Variants in TUSC3 observed in about 807,000 individuals in gnomAD.
TUSC3 encodes dolichyl-diphosphooligosaccharide--protein glycosyltransferase subunit TUSC3.
TUSC3 carries 45 observed loss-of-function variants against 44.8 expected under a neutral mutation model. The ratio of observed to expected loss-of-function variants is 1.00; its 90% confidence interval spans 0.79 to 1.29. The LOEUF (loss-of-function observed/expected upper bound fraction) is 1.29. TUSC3 is among the 50% of genes most tolerant of loss of function. TUSC3 has a pLI of 0.00. For synonymous variants in TUSC3, 212 were observed against 152.9 expected (o/e 1.39, Z -2.85); for missense variants, 519 against 437.9 (o/e 1.19, Z -1.65).
intron 1 of TUSC3, among the ~76,000 whole-genome samples, chr8:15,452,097 C>G (rs981023526): frequency 6.6e-6 from 1 of 152,138 alleles, no homozygotes; most frequent in African/African-American, 2.4e-5. Context: ...ACTCTAGCAA[C>G]TGAATTTAAT....
chr8:15,739,439 G>T (rs1811092853), intron 7 of TUSC3, among the ~76,000 whole-genome samples: 2 of 151,814 alleles, frequency 1.3e-5, no homozygotes, highest in South Asian at 2.1e-4. Flanking sequence ...GTTGACTTGG[G>T]GTTTCTGTTC....
At chr8:15,560,502 A>T (rs1438992478) in intron 1 of TUSC3, among the ~76,000 whole-genome samples, 1 of 150,248 alleles carries the variant, frequency 6.7e-6, no homozygotes, top group African/African-American at 2.4e-5. Flanking sequence ...TCTTCTCGAG[A>T]AGTATCTTTG....
At position 15,658,639 on chromosome 8, in the gene TUSC3, T is replaced by TATAC. The variant is rs140837147; in HGVS notation, c.427-867_427-866insTACA. ...ATTCGTGTATATATACACATATATATACACACACACACACACACACAAATA... is the reference window on the plus strand; with the variant it reads ...ATTCGTGTATATATACACATATATATATACACACACACACACACACACACAAATA... On this transcript the variant is annotated intron_variant, in intron 3 of 10. Coordinates refer to ENST00000503731, the MANE Select transcript of TUSC3 (RefSeq NM_006765.4). Among the ~76,000 whole-genome samples, 1,117 of 148,672 alleles carry TATAC rather than the reference T, an allele frequency of 7.5e-3. 15 individuals are homozygous for TATAC. The highest frequency in any genetic ancestry group is 0.026 in the African/African-American group (1,061 of 40,484).
At chr8:15,759,175 G>A (rs946336510) in intron 10 of TUSC3, among the ~76,000 whole-genome samples, 9 of 152,126 alleles carry the variant, frequency 5.9e-5, no homozygotes, top group African/African-American at 2.2e-4. Flanking sequence ...GCCTATCTGT[G>A]CTTAGTGAAC....
At chr8:15,695,933 G>T (rs183983534) in intron 6 of TUSC3, among the ~76,000 whole-genome samples, 1 of 152,110 alleles carries the variant, frequency 6.6e-6, no homozygotes, top group Non-Finnish European at 1.5e-5. Flanking sequence ...GCTGTTAAAC[G>T]CATTCAGTTT....
chr8:15,562,046 A>C (rs73538440), intron 1 of TUSC3, among the ~76,000 whole-genome samples: 3,808 of 152,228 alleles, frequency 0.025, 165 homozygotes, highest in African/African-American at 0.085. Context: ...ATCAATTTTT[A>C]AGTAGGCCTT....
Position 15,540,293 on chromosome 8 carries a change from C to T in TUSC3, c.-138C>T, listed in dbSNP as rs1295285724. The T allele has an allele frequency of 8.0e-6, 10 of 1,244,540 alleles. No homozygotes were observed. The South Asian group carries it at 1.5e-4, about 19-fold the overall frequency. The allele number at this position is 1,244,540 out of a possible 1,614,324, so 77.1% of individuals were successfully genotyped here. ...CCTCCTCTGCGTCCTCGGCCGCGGC[C>T]CGGGTCCCTCGCAAAGCCGCTGCCA... On this transcript the variant is annotated 5_prime_UTR_variant, in exon 1 of 11. Coordinates refer to ENST00000503731, the MANE Select transcript of TUSC3 (RefSeq NM_006765.4).
intron 7 of TUSC3, among the ~76,000 whole-genome samples, chr8:15,733,180 C>T (rs1405275618): frequency 6.6e-6 from 1 of 152,130 alleles, no homozygotes; most frequent in African/African-American, 2.4e-5. Flanking sequence ...ATAGACATAT[C>T]TACTCCTCTC....
At chr8:15,523,688 G>C (rs551517923) in intron 2 of TUSC3, among the ~76,000 whole-genome samples, 1 of 50,056 alleles carries the variant, frequency 2.0e-5, no homozygotes. Flanking sequence ...GTGTGTGTGT[G>C]TGTGTGTGTG....
At chr8:15,662,410 A>G (rs973651096) in intron 5 of TUSC3, 114 bp downstream of exon 5, 3 of 1,436,014 alleles carry the variant, frequency 2.1e-6, no homozygotes, top group African/African-American at 1.4e-5. Context: ...AGTCTGAATG[A>G]GAAGTAACTT....
chr8:15,595,506 G>A (rs570203381), intron 1 of TUSC3, among the ~76,000 whole-genome samples: 49 of 152,220 alleles, frequency 3.2e-4, no homozygotes, highest in African/African-American at 1.1e-3. Context: ...TGTCTCTTAG[G>A]CATCAGCGTC....
chr8:15,581,708 C>G (rs558529074), intron 1 of TUSC3, among the ~76,000 whole-genome samples: 3 of 140,726 alleles, frequency 2.1e-5, no homozygotes, highest in South Asian at 4.5e-4. Context: ...GGGAGAACCA[C>G]TGCTCTCTTC....
At chr8:15,563,455 A>G (rs1335864201) in intron 1 of TUSC3, among the ~76,000 whole-genome samples, 1 of 152,078 alleles carries the variant, frequency 6.6e-6, no homozygotes, top group East Asian at 1.9e-4. Context: ...TGGGAGGCTG[A>G]GGTGGGCGGA....
intron 2 of TUSC3, among the ~76,000 whole-genome samples, chr8:15,497,735 C>T (rs557984723): frequency 1.4e-5 from 1 of 72,574 alleles, no homozygotes; most frequent in Admixed American, 2.0e-4. Flanking sequence ...TTTGTTTCTT[C>T]TTCTTTTTTT....
chr8:15,758,024 C>T, intron 10 of TUSC3, 169 bp downstream of exon 10: 2 of 1,413,420 alleles, frequency 1.4e-6, no homozygotes, highest in Non-Finnish European at 1.8e-6. Context: ...TGTTTATCTG[C>T]CACAGGGAGA....
At chr8:15,510,637 T>C (rs1170077499) in intron 2 of TUSC3, among the ~76,000 whole-genome samples, 1 of 152,164 alleles carries the variant, frequency 6.6e-6, no homozygotes, top group Admixed American at 6.5e-5. Context: ...ATGGCTCTCT[T>C]GATAAATCTG....
intron 2 of TUSC3, among the ~76,000 whole-genome samples, chr8:15,533,849 G>T (rs1801483281): frequency 6.6e-6 from 1 of 152,144 alleles, no homozygotes; most frequent in Non-Finnish European, 1.5e-5. Context: ...CATCTCTCCA[G>T]TCAGTGGGGA....
intron 9 of TUSC3, chr8:15,748,689 C>G (rs1233585897): frequency 1.5e-6 from 1 of 676,702 alleles, no homozygotes; most frequent in African/African-American, 1.7e-5. Context: ...TCTTTCTAGA[C>G]ATACATATTT....
intron 1 of TUSC3, among the ~76,000 whole-genome samples, chr8:15,577,538 C>T (rs1388549638): frequency 6.7e-6 from 1 of 149,114 alleles, no homozygotes; most frequent in Non-Finnish European, 1.5e-5. Flanking sequence ...ATATGGCTAG[C>T]CAGTTTTCCC....
Sources: allele counts gnomAD v4.1 joint callset (sites outside exome capture counted in the v4.1 genomes callset), GRCh38; gene constraint gnomAD v4.1.1; transcripts MANE v1.5; gene names NCBI Gene and HGNC (gene_info 2026-07-23, HGNC 2026-07-21).